CDH23: variants seen among roughly 807,000 people sequenced by gnomAD.
The protein encoded by CDH23 is cadherin-23.
In CDH23, 189 loss-of-function variants were observed where a neutral mutation model predicts 317.1. The ratio of observed to expected loss-of-function variants is 0.60; its 90% CI spans 0.53 to 0.67. The LOEUF (loss-of-function observed/expected upper bound fraction) is 0.67, where lower values mean the gene tolerates loss of function less well. CDH23 is among the 30% of genes least tolerant of loss of function. CDH23 has a pLI of 0.00. For synonymous variants in CDH23, 1,839 were observed against 1,876.8 expected (o/e 0.98, Z 0.52); for missense variants, 4,401 against 4,592.4 (o/e 0.96, Z 1.20).
intron 11 of CDH23, among the ~76,000 whole-genome samples, chr10:71,625,410 A>AT (rs1318438740): frequency 3.7e-4 from 50 of 136,462 alleles, no homozygotes; most frequent in Non-Finnish European, 7.0e-4. Flanking sequence ...AAAAAAAAAA[A>AT]AAAAAAAAAA....
At chr10:71,687,426 C>T (rs986717861) in intron 18 of CDH23, among the ~76,000 whole-genome samples, 19 of 152,254 alleles carry the variant, frequency 1.2e-4, no homozygotes, top group Non-Finnish European at 2.2e-4. Context: ...TTCCTGAGGC[C>T]TGCATGTTTC....
chr10:71,487,335 G>A (rs905250366), intron 3 of CDH23, among the ~76,000 whole-genome samples: 1 of 152,196 alleles, frequency 6.6e-6, no homozygotes, highest in Admixed American at 6.5e-5. Context: ...CACACAGTCA[G>A]AAATCCTCAT....
rs199953929 is a variant in CDH23, at chr10:71,732,272, G to A, written c.4001G>A (p.Arg1334Gln). 24 of 1,613,296 alleles carry A rather than the reference G, an allele frequency of 1.5e-5. No homozygotes were observed. Among genetic ancestry groups the A allele is most frequent in the East Asian group, 1.1e-4 (5 of 44,874 alleles). ...CTGGCACTGGGTACTGAGATTGTGC[G>A]GGTCCAGGCCTACTCCATCGACAAC... is the stretch of plus-strand genomic sequence containing the variant. ...ENLALGTEIV[R>Q]VQAYSIDNLN... Residue 1334 changes from arginine (R) to glutamine (Q), a missense_variant, in exon 32 of 70, where the codon CGG becomes CAG. Arg to Gln is a conservative substitution (Grantham distance 43). Coordinates refer to ENST00000224721, the MANE Select transcript of CDH23 (RefSeq NM_022124.6).
chr10:71,585,682 G>A (rs978826162), intron 9 of CDH23, among the ~76,000 whole-genome samples: 1 of 152,200 alleles, frequency 6.6e-6, no homozygotes, highest in African/African-American at 2.4e-5. Context: ...AGAAAAGTCT[G>A]CACTTCTTCC....
chr10:71,645,902 C>G lies in CDH23; in HGVS notation c.1212C>G (p.Ser404=). Residue 404 remains serine (S), a synonymous_variant, in exon 13 of 70, where the codon TCC becomes TCG. Transcript: ENST00000224721. ...ACCACTTCATCATCTCCCCGACCTC[C>G]GTCCAGGGGAAGGCGGACATTCGTA... The part of the protein sequence containing the change: ...NSHHFIISPT[S]VQGKADIRIR... 1 of 1,613,568 alleles carries G rather than the reference C, an allele frequency of 6.2e-7. No homozygotes were observed. Among genetic ancestry groups the G allele is most frequent in the Non-Finnish European group, 8.5e-7 (1 of 1,179,606 alleles).
At chr10:71,533,465 T>G (rs1855515869) in intron 6 of CDH23, among the ~76,000 whole-genome samples, 1 of 151,754 alleles carries the variant, frequency 6.6e-6, no homozygotes, top group African/African-American at 2.4e-5. Context: ...CAGAAGCCTG[T>G]GGTCTAATGA....
At chr10:71,559,957 T>C (rs1857047276) in intron 6 of CDH23, among the ~76,000 whole-genome samples, 1 of 152,208 alleles carries the variant, frequency 6.6e-6, no homozygotes, top group Non-Finnish European at 1.5e-5. Context: ...TATGTGTTGG[T>C]GCCCCATGGG....
intron 6 of CDH23, among the ~76,000 whole-genome samples, chr10:71,518,611 C>A (rs1196197684): frequency 6.6e-6 from 1 of 152,214 alleles, no homozygotes; most frequent in Non-Finnish European, 1.5e-5. Context: ...GCTGCAGAGG[C>A]ACCTCCGTGA....
chr10:71,709,277 G>A (rs1430399350), intron 27 of CDH23, 66 bp downstream of exon 27: 1 of 1,438,206 alleles, frequency 7.0e-7, no homozygotes, highest in African/African-American at 1.4e-5. Context: ...GTGCCTCCCA[G>A]GAGCTGGCCT....
chr10:71,670,662 C>T lies in CDH23; in HGVS notation c.1450-4450C>T, dbSNP rs192607198. Reference sequence around the variant, plus strand: ...CAGGGAAGAGGTAGATACGAGAACACTAAGCCCAACCAGACTGTGGACACT... The same window carrying T: ...CAGGGAAGAGGTAGATACGAGAACATTAAGCCCAACCAGACTGTGGACACT... On this transcript the variant is annotated intron_variant, in intron 14 of 69. Coordinates refer to ENST00000224721, the MANE Select transcript of CDH23 (RefSeq NM_022124.6). 4.2e-3 allele frequency among the ~76,000 whole-genome samples: 647 copies of T among 152,296 alleles called. 1 individual carries two copies. The highest frequency in any genetic ancestry group is 5.5e-3 in the Non-Finnish European group (376 of 68,024).
At chr10:71,526,092 A>T (rs1025143369) in intron 6 of CDH23, among the ~76,000 whole-genome samples, 1 of 152,228 alleles carries the variant, frequency 6.6e-6, no homozygotes, top group Non-Finnish European at 1.5e-5. Context: ...GGCCCTCTGC[A>T]TCGCTGAGGG....
chr10:71,418,873 A>T (rs1848635128), intron 1 of CDH23, among the ~76,000 whole-genome samples: 1 of 152,076 alleles, frequency 6.6e-6, no homozygotes, highest in African/African-American at 2.4e-5. Context: ...CTTAGTCTCA[A>T]TCTCTTTATC....
At chr10:71,465,351 G>C in intron 3 of CDH23, among the ~76,000 whole-genome samples, 1 of 152,384 alleles carries the variant, frequency 6.6e-6, no homozygotes, top group South Asian at 2.1e-4. Flanking sequence ...GAGCTCCTGT[G>C]GTCTTGACCA....
intron 6 of CDH23, among the ~76,000 whole-genome samples, chr10:71,525,940 G>A (rs1341232944): frequency 6.6e-6 from 1 of 152,244 alleles, no homozygotes; most frequent in Non-Finnish European, 1.5e-5. Flanking sequence ...GGCCTGCTGG[G>A]TGCCAAGCCC....
chr10:71,509,300 A>G (rs1034956489), intron 3 of CDH23, among the ~76,000 whole-genome samples: 4 of 152,250 alleles, frequency 2.6e-5, no homozygotes, highest in Non-Finnish European at 5.9e-5. Context: ...AGGTGCTTCC[A>G]TTTGCAAAAG....
In CDH23 at chr10:71,734,646, C is replaced by T. The variant is rs570760720; in HGVS notation, c.4207-10C>T. On this transcript the variant is annotated splice_polypyrimidine_tract_variant and intron_variant, in intron 33 of 69. Coordinates refer to ENST00000224721, the MANE Select transcript of CDH23 (RefSeq NM_022124.6). ...TCTCACTCCCCTCCTGCTGCTGCCT[C>T]TGCCTACAGAAGGTGAGTAGCCTGT... 1 of 1,486,238 alleles carries T rather than the reference C, an allele frequency of 6.7e-7. No homozygotes were observed. The highest frequency in any genetic ancestry group is 3.0e-5 in the East Asian group (1 of 33,504). 92.1% of individuals were successfully genotyped at this position (1,486,238 alleles called of 1,614,324 possible). A position where few individuals can be genotyped will look rare whatever the true frequency, so the allele number is the denominator to read the frequency against.
Position 71,470,041 on chromosome 10 carries a change from C to T in CDH23, c.145+23646C>T, listed in dbSNP as rs528352438. On this transcript the variant is annotated intron_variant, in intron 3 of 69. Coordinates refer to ENST00000224721, the MANE Select transcript of CDH23 (RefSeq NM_022124.6). ...ATAAAAAAAAATTTGTGCTATGTTGCCCAGGCTGGTCTCCAATTCCTGGGC... is the reference window on the plus strand; with the variant it reads ...ATAAAAAAAAATTTGTGCTATGTTGTCCAGGCTGGTCTCCAATTCCTGGGC... Among the ~76,000 whole-genome samples, 7 of 152,296 alleles carry T rather than the reference C, an allele frequency of 4.6e-5. No individual in the cohort carries two copies. The East Asian group carries it at 1.3e-3, about 29-fold the overall frequency.
chr10:71,773,457 A>C (rs757981626), intron 38 of CDH23: 1 of 1,580,752 alleles, frequency 6.3e-7, no homozygotes, highest in Non-Finnish European at 8.6e-7. Context: ...TCGGACGCGC[A>C]GAGGAACTTC....
chr10:71,789,172 A>T, intron 45 of CDH23, 130 bp downstream of exon 45: 1 of 601,622 alleles, frequency 1.7e-6, no homozygotes, highest in Admixed American at 2.8e-5. Flanking sequence ...GAGGGGAAGG[A>T]TGGGTGCAGC....
Sources: gnomAD v4.1 joint callset for allele counts (sites outside exome capture counted in the v4.1 genomes callset) on GRCh38, gnomAD v4.1.1 for gene constraint, MANE v1.5 for transcripts, NCBI Gene and HGNC (gene_info 2026-07-23, HGNC 2026-07-21) for gene names.